MRPL33: variants seen among roughly 807,000 people sequenced by gnomAD.
The protein encoded by MRPL33 is mitochondrial ribosomal protein L33.
A neutral mutation model predicts 10.1 loss-of-function variants in MRPL33; 5 were observed. The observed-to-expected ratio is 0.49, with a 90% confidence interval of 0.26 to 1.04. The LOEUF (loss-of-function observed/expected upper bound fraction) is 1.04, where lower values mean the gene tolerates loss of function less well. Ranked by LOEUF, MRPL33 falls within the 50% of genes least tolerant of loss-of-function variation. MRPL33 has a pLI of 0.14. For missense variants in MRPL33, 79 were observed against 78.1 expected, an observed-to-expected ratio of 1.01 and a Z score of -0.04; for synonymous variants, 24 against 27.7, an observed-to-expected ratio of 0.87 and a Z score of 0.42.
intron 1 of MRPL33, 150 bp downstream of exon 1, chr2:27,771,949 C>A: frequency 1.2e-6 from 1 of 817,522 alleles, no homozygotes; most frequent in Non-Finnish European, 1.9e-6. Context: ...CCACAGCGTC[C>A]GGCATGCCCC....
chr2:27,775,590 G>A (rs1677133602), intron 3 of MRPL33, among the ~76,000 whole-genome samples: 1 of 152,078 alleles, frequency 6.6e-6, no homozygotes, highest in Non-Finnish European at 1.5e-5. Flanking sequence ...GACCTCAGGT[G>A]ATCCACCCAC....
chr2:27,772,359 C>G (rs1473735180), intron 1 of MRPL33: 1 of 307,918 alleles, frequency 3.2e-6, no homozygotes, highest in Non-Finnish European at 5.9e-6. Context: ...AATACTTGCA[C>G]CTTAGAAGAG....
intron 3 of MRPL33, among the ~76,000 whole-genome samples, chr2:27,778,337 T>C (rs1156272385): frequency 6.6e-6 from 1 of 152,088 alleles, no homozygotes; most frequent in East Asian, 1.9e-4. Context: ...AAGTGAGGAA[T>C]TGTTAGGTCA....
chr2:27,775,380 C>T (rs1219581517), intron 3 of MRPL33, among the ~76,000 whole-genome samples: 4 of 119,762 alleles, frequency 3.3e-5, no homozygotes, highest in African/African-American at 1.3e-4. Context: ...GAGATGGAGT[C>T]TCACTTTGTC....
intron 2 of MRPL33, among the ~76,000 whole-genome samples, chr2:27,774,161 C>T (rs1450749903): frequency 6.6e-6 from 1 of 152,150 alleles, no homozygotes; most frequent in African/African-American, 2.4e-5. Context: ...GAGGCTAGTC[C>T]CGCAATGTGG....
At chr2:27,778,685 G>A (rs1677220013) in intron 3 of MRPL33, among the ~76,000 whole-genome samples, 1 of 152,104 alleles carries the variant, frequency 6.6e-6, no homozygotes, top group Non-Finnish European at 1.5e-5. Context: ...CTCCCGCGTA[G>A]CTGGGATTAC....
At chr2:27,777,036 CTATG>C in intron 3 of MRPL33, among the ~76,000 whole-genome samples, 1 of 152,082 alleles carries the variant, frequency 6.6e-6, no homozygotes, top group Non-Finnish European at 1.5e-5. Context: ...CCCTGTTCTT[CTATG>C]TATTTATTTA....
At chr2:27,773,813 GA>G (rs1677097024) in intron 2 of MRPL33, among the ~76,000 whole-genome samples, 1 of 152,140 alleles carries the variant, frequency 6.6e-6, no homozygotes, top group African/African-American at 2.4e-5. Flanking sequence ...AATTACATGA[GA>G]AATAAAATAA....
At chr2:27,779,390 A>G in intron 3 of MRPL33, 43 bp from the exon 4 acceptor site, 1 of 1,574,730 alleles carries the variant, frequency 6.4e-7, no homozygotes, top group Non-Finnish European at 8.6e-7. Context: ...TGGCGATGAT[A>G]CTTAATAATT....
chr2:27,772,909 A>G, intron 2 of MRPL33: 1 of 525,680 alleles, frequency 1.9e-6, no homozygotes, highest in East Asian at 3.3e-5. Context: ...GCATTGAAAT[A>G]CTTGAAGGAA....
intron 3 of MRPL33, among the ~76,000 whole-genome samples, chr2:27,776,072 A>G (rs1184403701): frequency 6.6e-6 from 1 of 152,238 alleles, no homozygotes; most frequent in Non-Finnish European, 1.5e-5. Flanking sequence ...GGTATTAGGA[A>G]CTTAATAATT....
rs372658029 is a variant in MRPL33 at position 27,774,446 on chromosome 2, A to T, written c.64A>T (p.Ser22Cys). ...KSKNILVRMV[S>C]EAGTGFCFNT... ...TAGAAACATTCTGGTGAGAATGGTG[A>T]GCGAAGCTGGGACAGGTTTCTGCTT... is the stretch of plus-strand genomic sequence containing the variant. The change falls in exon 3 of 4, where the codon AGC becomes TGC. Residue 22 changes from serine (S) to cysteine (C), a missense_variant. Ser to Cys is a moderately radical substitution (Grantham distance 112). Coordinates refer to ENST00000296102, the MANE Select transcript of MRPL33 (RefSeq NM_004891.4). 1 of 1,613,986 alleles carries T rather than the reference A, an allele frequency of 6.2e-7. No individual in the cohort carries two copies. The highest frequency in any genetic ancestry group is 8.5e-7 in the Non-Finnish European group (1 of 1,179,936).
In MRPL33 at chr2:27,772,751, A is replaced by G. The variant is rs1005131497; in HGVS notation, c.41+59A>G. ...TTGTTTATGTTGGATTTGTTAGTCT[A>G]GCTGCTCCCAGTACATCCTTATATG... On this transcript the variant is annotated intron_variant, in intron 2 of 3. Coordinates refer to ENST00000296102, the MANE Select transcript of MRPL33 (RefSeq NM_004891.4). 9.7e-6 allele frequency: 13 copies of G among 1,342,464 alleles called. No individual in the cohort carries two copies. In the African/African-American group the frequency reaches 1.6e-4, roughly 16 times the overall value. 83.2% of individuals were successfully genotyped at this position (1,342,464 alleles called of 1,614,324 possible).
intron 3 of MRPL33, among the ~76,000 whole-genome samples, chr2:27,778,022 C>G (rs567419524): frequency 6.6e-6 from 1 of 152,228 alleles, no homozygotes; most frequent in Non-Finnish European, 1.5e-5. Context: ...ATCCTACTTA[C>G]ATTTCACATG....
rs745588490 is a variant in MRPL33 at position 27,774,509 on chromosome 2, C to G, written c.127C>G (p.Leu43Val). Residue 43 changes from leucine (L) to valine (V), a missense_variant, in exon 3 of 4, where the codon CTT becomes GTT. By Grantham distance (32) the Leu-to-Val change is conservative. Coordinates refer to ENST00000296102, the MANE Select transcript of MRPL33 (RefSeq NM_004891.4). ...AAACCGACTGCGGGAAAAACTGACT[C>G]TTTTGCATTATGATCCAGTTGGTAA... ...KRNRLREKLT[L>V]LHYDPVVKQR... The G allele has an allele frequency of 6.2e-7, 1 of 1,614,122 alleles. No individual in the cohort carries two copies. The highest frequency in any genetic ancestry group is 1.7e-5 in the Admixed American group (1 of 60,016).
intron 3 of MRPL33, among the ~76,000 whole-genome samples, chr2:27,777,025 T>G (rs1431585946): frequency 6.6e-6 from 1 of 152,208 alleles, no homozygotes; most frequent in Non-Finnish European, 1.5e-5. Context: ...CTCACTCAAG[T>G]CCCTGTTCTT....
rs1677078700 is a variant in MRPL33 at position 27,772,829 on chromosome 2, T to G, written c.41+137T>G. 1.8e-5 allele frequency: 12 copies of G among 656,532 alleles called. No individual in the cohort carries two copies. The South Asian group carries it at 2.3e-4, about 13-fold the overall frequency. 40.7% of individuals were successfully genotyped at this position (656,532 alleles called of 1,614,324 possible). ...AAGAGTTGGTTTGTGGATTACTTAG[T>G]TGATTATTTTTTCTTTATGAACTCT... is the stretch of plus-strand genomic sequence containing the variant. On this transcript the variant is annotated intron_variant, in intron 2 of 3. Transcript: ENST00000296102.
chr2:27,771,730 G>T lies in MRPL33; in HGVS notation c.-48G>T, dbSNP rs34796799. On this transcript the variant is annotated 5_prime_UTR_variant, in exon 1 of 4. Transcript: ENST00000296102. ...CGTGCCCCGGAAGCAGTTGTTGTTG[G>T]TTGGGGGCCTTTTGGCCGGTGACGG... 51,560 of 1,612,968 alleles carry T rather than the reference G, an allele frequency of 0.032. 918 individuals are homozygous for T. Among genetic ancestry groups the T allele is most frequent in the Middle Eastern group, 0.045 (275 of 6,052 alleles).
At position 27,772,658 on chromosome 2, in the gene MRPL33, C is replaced by T. The variant is rs1361178087; in HGVS notation, c.23-16C>T. On this transcript the variant is annotated splice_polypyrimidine_tract_variant and intron_variant, in intron 1 of 3. Transcript: ENST00000296102. The stretch of plus-strand genomic sequence containing the variant: ...ATTTTTATTTTCTTTTCCAACCCTT[C>T]CTGTCTACAAAAAAGTTGCCAAGAG... 1.3e-6 allele frequency: 2 copies of T among 1,588,756 alleles called. No individual in the cohort carries two copies. The highest frequency in any genetic ancestry group is 1.3e-5 in the African/African-American group (1 of 74,272).
Sources: allele counts gnomAD v4.1 joint callset (sites outside exome capture counted in the v4.1 genomes callset), GRCh38; gene constraint gnomAD v4.1.1; transcripts MANE v1.5; gene names NCBI Gene and HGNC (gene_info 2026-07-23, HGNC 2026-07-21).